UBL3: variants seen among roughly 807,000 people sequenced by gnomAD.
The protein encoded by UBL3 is ubiquitin like 3.
Under a neutral mutation model 18.4 loss-of-function variants are expected in UBL3, and 6 were observed. The ratio of observed to expected loss-of-function variants is 0.33; its 90% CI spans 0.18 to 0.64. The LOEUF is 0.64. UBL3 is among the 30% of genes least tolerant of loss of function. UBL3 has a pLI of 0.76. For synonymous variants in UBL3, 49 were observed against 46.6 expected (o/e 1.05, Z -0.21); for missense variants, 109 against 142.9 (o/e 0.76, Z 1.21).
At chr13:29,798,539 T>C (rs1158797383) in intron 1 of UBL3, among the ~76,000 whole-genome samples, 3 of 152,306 alleles carry the variant, frequency 2.0e-5, no homozygotes, top group African/African-American at 7.2e-5. Flanking sequence ...TTACTAACAG[T>C]CCTTATTCTA....
At chr13:29,802,155 A>AG (rs1877788242) in intron 1 of UBL3, among the ~76,000 whole-genome samples, 1 of 152,246 alleles carries the variant, frequency 6.6e-6, no homozygotes, top group Non-Finnish European at 1.5e-5. Flanking sequence ...CTTAAGCACC[A>AG]TCTACTGGAT....
intron 1 of UBL3, among the ~76,000 whole-genome samples, chr13:29,819,314 A>G (rs916844017): frequency 1.3e-5 from 2 of 152,236 alleles, no homozygotes; most frequent in Non-Finnish European, 2.9e-5. Flanking sequence ...GCGTAAAACG[A>G]AAGGCAAAGG....
At chr13:29,779,140 G>A (rs556318140) in intron 1 of UBL3, 6 of 425,432 alleles carry the variant, frequency 1.4e-5, no homozygotes, top group East Asian at 1.5e-4. Flanking sequence ...TACACTCTAC[G>A]AAAGTACCAC....
chr13:29,780,390 A>ATATATATATATGTG (rs755886113), intron 1 of UBL3, among the ~76,000 whole-genome samples: 1 of 92,166 alleles, frequency 1.1e-5, no homozygotes, highest in African/African-American at 4.0e-5. Flanking sequence ...ATATATATAT[A>ATATATATATATGTG]TGTGTGTGTG....
intron 1 of UBL3, among the ~76,000 whole-genome samples, chr13:29,780,420 TAA>T (rs982134684): frequency 7.8e-6 from 1 of 128,310 alleles, no homozygotes; most frequent in Non-Finnish European, 1.6e-5. Context: ...ATATATATAA[TAA>T]GTTATATATA....
At position 29,840,108 on chromosome 13, in the gene UBL3, T is replaced by A. The variant is rs1879061110; in HGVS notation, c.27+9404A>T. 2.0e-5 allele frequency among the ~76,000 whole-genome samples: 3 copies of A among 151,872 alleles called. No individual in the cohort carries two copies. In the South Asian group the frequency reaches 6.2e-4, roughly 32 times the overall value. ...AAACAACATTTATCTGAAAATGGAC[T>A]CTGAAAAGACTGCGTACAAAGAGAC... On this transcript the variant is annotated intron_variant, in intron 1 of 4. Coordinates refer to ENST00000380680, the MANE Select transcript of UBL3 (RefSeq NM_007106.4).
chr13:29,814,640 G>T (rs1393490615), intron 1 of UBL3, among the ~76,000 whole-genome samples: 1 of 152,056 alleles, frequency 6.6e-6, no homozygotes, highest in Non-Finnish European at 1.5e-5. Flanking sequence ...ATGCCCATGT[G>T]CCATGCTGTC....
intron 1 of UBL3, among the ~76,000 whole-genome samples, chr13:29,841,270 C>G (rs1879093241): frequency 6.6e-6 from 1 of 151,940 alleles, no homozygotes; most frequent in Non-Finnish European, 1.5e-5. Context: ...ATCTCTCTCT[C>G]TCTCTCTCTC....
At position 29,764,383 on chromosome 13, in the gene UBL3, G is replaced by A. The variant is rs1394326973; in HGVS notation, c.*2872C>T. 3 of 152,074 alleles carry A rather than the reference G, an allele frequency of 2.0e-5. No homozygotes were observed. Among genetic ancestry groups the A allele is most frequent in the Non-Finnish European group, 4.4e-5 (3 of 68,002 alleles). The allele number at this position is 152,074 out of a possible 1,614,324, so 9.4% of individuals were successfully genotyped here. A position where few individuals can be genotyped will look rare whatever the true frequency, so the allele number is the denominator to read the frequency against. ...AAATACACCAGAATTATGAATAGAAGCCATTTTAAAGAAGAGAAATATTCT... is the reference window on the plus strand; with the variant it reads ...AAATACACCAGAATTATGAATAGAAACCATTTTAAAGAAGAGAAATATTCT... On this transcript the variant is annotated 3_prime_UTR_variant, in exon 5 of 5. Coordinates refer to ENST00000380680, the MANE Select transcript of UBL3 (RefSeq NM_007106.4).
intron 1 of UBL3, among the ~76,000 whole-genome samples, chr13:29,821,479 G>A (rs889069875): frequency 2.0e-5 from 3 of 152,142 alleles, no homozygotes; most frequent in East Asian, 3.9e-4. Flanking sequence ...ACCTTTTGCA[G>A]ACATTTATTG....
chr13:29,826,951 T>G (rs9508563), intron 1 of UBL3, among the ~76,000 whole-genome samples: 4,896 of 152,336 alleles, frequency 0.032, 115 homozygotes, highest in Middle Eastern at 0.068. Context: ...TACCCAGTAG[T>G]CATTCCGGAG....
At chr13:29,846,202 T>C in intron 1 of UBL3, among the ~76,000 whole-genome samples, 1 of 152,232 alleles carries the variant, frequency 6.6e-6, no homozygotes, top group South Asian at 2.1e-4. Context: ...ATACAATATA[T>C]TATAATGATA....
intron 1 of UBL3, among the ~76,000 whole-genome samples, chr13:29,838,158 C>T (rs1879008652): frequency 6.6e-6 from 1 of 151,912 alleles, no homozygotes; most frequent in Admixed American, 6.6e-5. Context: ...AATCAAAAGC[C>T]TGAGTTAACA....
intron 1 of UBL3, among the ~76,000 whole-genome samples, chr13:29,781,672 G>A (rs967518164): frequency 1.3e-5 from 2 of 151,774 alleles, no homozygotes; most frequent in African/African-American, 2.4e-5. Flanking sequence ...ATTTTGCTGT[G>A]AACCTAGAAC....
intron 1 of UBL3, among the ~76,000 whole-genome samples, chr13:29,830,554 C>A (rs1878746049): frequency 6.6e-6 from 1 of 152,202 alleles, no homozygotes; most frequent in Non-Finnish European, 1.5e-5. Flanking sequence ...GAAACAACAT[C>A]TCTTCGCAAT....
chr13:29,838,756 T>C (rs1593677054), intron 1 of UBL3, among the ~76,000 whole-genome samples: 1 of 152,208 alleles, frequency 6.6e-6, no homozygotes, highest in Non-Finnish European at 1.5e-5. Flanking sequence ...GGAAGTAAAA[T>C]ACAAATTGCA....
chr13:29,812,697 T>G (rs1057040007), intron 1 of UBL3, among the ~76,000 whole-genome samples: 1 of 152,066 alleles, frequency 6.6e-6, no homozygotes, highest in African/African-American at 2.4e-5. Context: ...CTTGGATATA[T>G]GAATTTATTT....
At chr13:29,807,576 T>C (rs1364207664) in intron 1 of UBL3, among the ~76,000 whole-genome samples, 4 of 152,232 alleles carry the variant, frequency 2.6e-5, no homozygotes, top group Non-Finnish European at 5.9e-5. Flanking sequence ...ATTCAGTAGT[T>C]ATTATTATCC....
chr13:29,781,874 T>C (rs957573481), intron 1 of UBL3, among the ~76,000 whole-genome samples: 13 of 141,676 alleles, frequency 9.2e-5, no homozygotes, highest in African/African-American at 3.4e-4. Flanking sequence ...GGCACATGCC[T>C]ATAGTACTAG....
Sources: allele counts gnomAD v4.1 joint callset (sites outside exome capture counted in the v4.1 genomes callset), GRCh38; gene constraint gnomAD v4.1.1; transcripts MANE v1.5; gene names NCBI Gene and HGNC (gene_info 2026-07-23, HGNC 2026-07-21).